Variants in CTNNBIP1 observed in about 807,000 individuals in gnomAD.
CTNNBIP1 encodes catenin beta interacting protein 1, also known as beta-catenin-interacting protein 1.
In CTNNBIP1, 7 loss-of-function variants were observed where a neutral mutation model predicts 11.8. The observed-to-expected ratio is 0.60, with a 90% CI of 0.34 to 1.12. The LOEUF is 1.12. Ranked by LOEUF, CTNNBIP1 falls within the 50% of genes most tolerant of loss-of-function variation. The pLI is 0.03. For missense variants in CTNNBIP1, 101 were observed against 113.4 expected (o/e 0.89, Z 0.50); for synonymous variants, 58 against 43.9 (o/e 1.32, Z -1.26).
At chr1:9,862,627 G>A (rs1638654375) in intron 5 of CTNNBIP1, among the ~76,000 whole-genome samples, 1 of 152,170 alleles carries the variant, frequency 6.6e-6, no homozygotes, top group Non-Finnish European at 1.5e-5. Flanking sequence ...ATGCCTTCTT[G>A]CCCAGCATTC....
chr1:9,902,661 T>G (rs1403029645), intron 1 of CTNNBIP1, among the ~76,000 whole-genome samples: 1 of 152,068 alleles, frequency 6.6e-6, no homozygotes, highest in African/African-American at 2.4e-5. Flanking sequence ...CTCCTAAGAG[T>G]TCAAAGCACT....
intron 5 of CTNNBIP1, among the ~76,000 whole-genome samples, chr1:9,865,490 G>C (rs560555753): frequency 5.4e-4 from 82 of 152,002 alleles, no homozygotes; most frequent in Non-Finnish European, 8.7e-4. Flanking sequence ...TGTAGTCCCA[G>C]CTACTCAGGA....
rs1638330870 is a variant in CTNNBIP1, at chr1:9,849,561, G to A, written c.*1157C>T. 1 of 152,222 alleles carries A rather than the reference G, an allele frequency of 6.6e-6. No homozygotes were observed. Among genetic ancestry groups the A allele is most frequent in the Admixed American group, 6.5e-5 (1 of 15,284 alleles). 9.4% of individuals were successfully genotyped at this position (152,222 alleles called of 1,614,324 possible). On this transcript the variant is annotated 3_prime_UTR_variant, in exon 6 of 6. Transcript: ENST00000377263. The stretch of plus-strand genomic sequence containing the variant: ...TGAGCCAAGCTGGGGCTTTTATGTG[G>A]GTTCTGGGCTCCCAGAGACCTCCGC...
intron 5 of CTNNBIP1, among the ~76,000 whole-genome samples, chr1:9,868,023 G>A (rs114032319): frequency 6.6e-6 from 1 of 152,142 alleles, no homozygotes; most frequent in Admixed American, 6.5e-5. Flanking sequence ...CGTTAGGCTC[G>A]CAAAGAAAAT....
chr1:9,886,747 G>A (rs999945255), intron 1 of CTNNBIP1, among the ~76,000 whole-genome samples: 25 of 152,250 alleles, frequency 1.6e-4, no homozygotes, highest in African/African-American at 4.8e-4. Context: ...CGAGGGGGAC[G>A]GGGGGCAGAG....
At chr1:9,907,995 C>A (rs1418801512) in intron 1 of CTNNBIP1, among the ~76,000 whole-genome samples, 1 of 152,246 alleles carries the variant, frequency 6.6e-6, no homozygotes, top group Non-Finnish European at 1.5e-5. Flanking sequence ...TCTAACTGTT[C>A]TTGGAATAAA....
At chr1:9,877,561 T>A (rs527449364) in intron 3 of CTNNBIP1, among the ~76,000 whole-genome samples, 1 of 152,346 alleles carries the variant, frequency 6.6e-6, no homozygotes, top group South Asian at 2.1e-4. Context: ...TAAAACACAT[T>A]GTGATAGATT....
chr1:9,896,053 T>A (rs1225005569), intron 1 of CTNNBIP1, among the ~76,000 whole-genome samples: 2 of 152,152 alleles, frequency 1.3e-5, no homozygotes, highest in Non-Finnish European at 2.9e-5. Context: ...GGATCAAGGA[T>A]CTCAGTTGTA....
intron 1 of CTNNBIP1, among the ~76,000 whole-genome samples, chr1:9,885,338 GT>G (rs2101514909): frequency 6.6e-6 from 1 of 152,250 alleles, no homozygotes; most frequent in African/African-American, 2.4e-5. Context: ...ACTTTAAGAG[GT>G]TTTTCCATCT....
chr1:9,885,335 G>C (rs1181703539), intron 1 of CTNNBIP1, among the ~76,000 whole-genome samples: 2 of 152,164 alleles, frequency 1.3e-5, no homozygotes, highest in African/African-American at 4.8e-5. Flanking sequence ...TAGACTTTAA[G>C]AGGTTTTTCC....
chr1:9,865,591 G>A (rs568293652), intron 5 of CTNNBIP1, among the ~76,000 whole-genome samples: 9 of 151,862 alleles, frequency 5.9e-5, no homozygotes, highest in East Asian at 1.9e-4. Context: ...GTGACAGAGC[G>A]AGACTCTGTC....
At chr1:9,854,301 G>C (rs892772836) in intron 5 of CTNNBIP1, among the ~76,000 whole-genome samples, 1 of 150,376 alleles carries the variant, frequency 6.6e-6, no homozygotes, top group African/African-American at 2.4e-5. Flanking sequence ...CTGGGAGGTG[G>C]AGGTTGCAGT....
At chr1:9,902,860 C>T (rs1223042955) in intron 1 of CTNNBIP1, among the ~76,000 whole-genome samples, 5 of 152,042 alleles carry the variant, frequency 3.3e-5, no homozygotes, top group East Asian at 1.9e-4. Flanking sequence ...CCGCCTCCAG[C>T]GTTCAAGCAA....
intron 2 of CTNNBIP1, among the ~76,000 whole-genome samples, chr1:9,878,533 C>T (rs1167211704): frequency 6.6e-6 from 1 of 152,238 alleles, no homozygotes; most frequent in Non-Finnish European, 1.5e-5. Flanking sequence ...ACGAAAAGCA[C>T]AGTCGCAGCT....
intron 5 of CTNNBIP1, among the ~76,000 whole-genome samples, chr1:9,862,513 T>C (rs547445130): frequency 6.6e-6 from 1 of 152,342 alleles, no homozygotes; most frequent in East Asian, 1.9e-4. Context: ...AGTCTGCATT[T>C]TAACAAGCAC....
At chr1:9,868,281 C>T (rs1249260014) in intron 5 of CTNNBIP1, among the ~76,000 whole-genome samples, 1 of 152,156 alleles carries the variant, frequency 6.6e-6, no homozygotes, top group African/African-American at 2.4e-5. Flanking sequence ...TCCAGAAGAC[C>T]CCTCCCCGGA....
intron 1 of CTNNBIP1, among the ~76,000 whole-genome samples, chr1:9,887,607 G>C (rs1448441833): frequency 1.3e-5 from 2 of 151,808 alleles, no homozygotes; most frequent in Non-Finnish European, 2.9e-5. Flanking sequence ...GGAGGCTGAG[G>C]CAAGAGAATT....
chr1:9,865,528 C>T (rs1215433160), intron 5 of CTNNBIP1, among the ~76,000 whole-genome samples: 39 of 149,562 alleles, frequency 2.6e-4, no homozygotes, highest in East Asian at 2.0e-4. Context: ...GGCATGAACC[C>T]GGGAGGTGGA....
rs546158800 is a variant in CTNNBIP1 at position 9,864,399 on chromosome 1, G to T, written c.187+6788C>A. ...GCTGGAGTGCAGTGGCGCGATCTCG[G>T]CTCACTGCAAGCTCCGCCTCCCGGG... On this transcript the variant is annotated intron_variant, in intron 5 of 5. Transcript: ENST00000377263. 3.9e-5 allele frequency among the ~76,000 whole-genome samples: 6 copies of T among 152,310 alleles called. No homozygotes were observed. In the East Asian group the frequency reaches 1.2e-3, roughly 29 times the overall value.
Sources: allele counts gnomAD v4.1 joint callset (sites outside exome capture counted in the v4.1 genomes callset), GRCh38; gene constraint gnomAD v4.1.1; transcripts MANE v1.5; gene names NCBI Gene and HGNC (gene_info 2026-07-23, HGNC 2026-07-21).